TSC22D2: variants seen among roughly 807,000 people sequenced by gnomAD.
The protein encoded by TSC22D2 is TSC22 domain family member 2, also known as TSC22 domain family protein 2.
In TSC22D2, 5 loss-of-function variants were observed where a neutral mutation model predicts 50.1. That is an observed-to-expected ratio of 0.10 (90% CI 0.05 to 0.21). TSC22D2 has a LOEUF of 0.21. Among genes scored for constraint, TSC22D2 ranks in the 10% least tolerant of loss-of-function variants. The pLI is 1.00. For missense variants in TSC22D2, 1,003 were observed against 1,015.5 expected, an observed-to-expected ratio of 0.99 and a Z score of 0.17; for synonymous variants, 501 against 450.1, an observed-to-expected ratio of 1.11 and a Z score of -1.43.
At chr3:150,446,510 A>C (rs992116157) in intron 1 of TSC22D2, among the ~76,000 whole-genome samples, 7 of 152,252 alleles carry the variant, frequency 4.6e-5, no homozygotes, top group Admixed American at 2.6e-4. Context: ...ATTTTTAAAA[A>C]GAAAGATGTA....
intron 1 of TSC22D2, among the ~76,000 whole-genome samples, chr3:150,442,334 CGTT>C (rs1360860560): frequency 6.6e-6 from 1 of 152,144 alleles, no homozygotes; most frequent in African/African-American, 2.4e-5. Flanking sequence ...GTTTATTTGA[CGTT>C]GTATCCCCAG....
intron 1 of TSC22D2, among the ~76,000 whole-genome samples, chr3:150,433,399 T>C (rs1360654001): frequency 1.3e-5 from 2 of 152,226 alleles, no homozygotes; most frequent in Non-Finnish European, 2.9e-5. Context: ...GTGGTATCCA[T>C]AGTAGCTACG....
chr3:150,420,397 C>T (rs1719965969), intron 1 of TSC22D2, among the ~76,000 whole-genome samples: 1 of 152,162 alleles, frequency 6.6e-6, no homozygotes, highest in South Asian at 2.1e-4. Context: ...AAAATCTAGA[C>T]TGTTTAAAGT....
rs527555195 is a variant in TSC22D2 at position 150,409,550 on chromosome 3, C to G, written c.200C>G (p.Ser67Cys). 6 of 1,603,996 alleles carry G rather than the reference C, an allele frequency of 3.7e-6. No homozygotes were observed. The highest frequency in any genetic ancestry group is 2.7e-5 in the African/African-American group (2 of 74,708). The change falls in exon 1 of 3, where the codon TCT becomes TGT. Residue 67 changes from serine to cysteine, a missense_variant. By Grantham distance (112) the Ser-to-Cys change is moderately radical. Around this residue, in one of 6 missense-constraint regions of TSC22D2, gnomAD observed 200 missense variants for 182.8 expected, o/e 1.09. Coordinates refer to ENST00000688009, the MANE Select transcript of TSC22D2 (RefSeq NM_001303264.2). The surrounding 1 kb of genome is among the most constrained non-coding windows in gnomAD (Gnocchi z 7.4). Reference protein sequence around the residue: ...YGPEEVCERSSSEETLNNVGD... With the variant: ...YGPEEVCERSCSEETLNNVGD... ...CCTGAGGAGGTCTGCGAGCGCAGCT[C>G]TTCCGAAGAGACGCTTAACAATGTT...
intron 1 of TSC22D2, among the ~76,000 whole-genome samples, chr3:150,413,353 A>C (rs1719662774): frequency 6.6e-6 from 1 of 152,112 alleles, no homozygotes; most frequent in Admixed American, 6.5e-5. Flanking sequence ...TAAACATGAC[A>C]CTTCCCTCCC....
chr3:150,455,801 TA>T (rs1204101277), intron 1 of TSC22D2, among the ~76,000 whole-genome samples: 1 of 152,214 alleles, frequency 6.6e-6, no homozygotes, highest in Non-Finnish European at 1.5e-5. Flanking sequence ...TAGTAACATA[TA>T]AAAAATTATC....
chr3:150,443,854 A>C (rs1426608301), intron 1 of TSC22D2, among the ~76,000 whole-genome samples: 1 of 152,138 alleles, frequency 6.6e-6, no homozygotes, highest in African/African-American at 2.4e-5. Context: ...TTCTAATGTA[A>C]AAAAGTCTCT....
chr3:150,425,258 C>T lies in TSC22D2; in HGVS notation c.1958+13950C>T, dbSNP rs546824263. ...GAGAGACATAGACTGGGCGCAGTGG[C>T]TCCCGCCTGTAATCCCAGCACTTTG... On this transcript the variant is annotated intron_variant, in intron 1 of 2. Coordinates refer to ENST00000688009, the MANE Select transcript of TSC22D2 (RefSeq NM_001303264.2). Among the ~76,000 whole-genome samples, 6 of 152,232 alleles carry T rather than the reference C, an allele frequency of 3.9e-5. No homozygotes were observed. In the South Asian group the frequency reaches 1.2e-3, roughly 32 times the overall value.
Position 150,459,666 on chromosome 3 carries a change from A to G in TSC22D2, c.*1030A>G, listed in dbSNP as rs187831497. On this transcript the variant is annotated 3_prime_UTR_variant, in exon 3 of 3. Coordinates refer to ENST00000688009, the MANE Select transcript of TSC22D2 (RefSeq NM_001303264.2). ...TCAGTCACAATTTTCTTTACTGTCT[A>G]GCATGATCTGCATGACCTATAATCT... The G allele has an allele frequency of 5.7e-5, 8 of 140,432 alleles. No individual in the cohort carries two copies. In the East Asian group the frequency reaches 1.7e-3, roughly 29 times the overall value. 8.7% of individuals were successfully genotyped at this position (140,432 alleles called of 1,614,324 possible).
chr3:150,428,043 A>G (rs7623100), intron 1 of TSC22D2, among the ~76,000 whole-genome samples: 30,476 of 151,950 alleles, frequency 0.2, 3,506 homozygotes, highest in African/African-American at 0.29. Context: ...CCACTTTTGT[A>G]AGTGTCCTTT....
At position 150,458,708 on chromosome 3, in the gene TSC22D2, C is replaced by G; in HGVS notation, c.*72C>G. ...TTGTGTGCCACTGGTGTTCTTTCCA[C>G]TTTATACGAAAGCAAGTAGCCATGC... On this transcript the variant is annotated 3_prime_UTR_variant, in exon 3 of 3. Coordinates refer to ENST00000688009, the MANE Select transcript of TSC22D2 (RefSeq NM_001303264.2). 1 of 1,565,290 alleles carries G rather than the reference C, an allele frequency of 6.4e-7. No individual in the cohort carries two copies. Among genetic ancestry groups the G allele is most frequent in the Non-Finnish European group, 8.7e-7 (1 of 1,155,416 alleles).
chr3:150,426,572 G>A (rs1054229725), intron 1 of TSC22D2, among the ~76,000 whole-genome samples: 27 of 152,184 alleles, frequency 1.8e-4, no homozygotes, highest in African/African-American at 6.3e-4. Context: ...ACTAAAGGAA[G>A]AAATCAGGTA....
Position 150,428,594 on chromosome 3 carries a change from T to TA in TSC22D2, c.1958+17301dup, listed in dbSNP as rs34028047. ...TGAAACCTAGGTTGACTGGGTATAG[T>TA]AAAAAAAAAAAAAAACATACTTAGA... On this transcript the variant is annotated intron_variant, in intron 1 of 2. Transcript: ENST00000688009. 7.9e-3 allele frequency among the ~76,000 whole-genome samples: 1,100 copies of TA among 138,452 alleles called. 11 individuals are homozygous for TA. The highest frequency in any genetic ancestry group is 0.024 in the African/African-American group (924 of 38,120). 90.8% of individuals were successfully genotyped at this position (138,452 alleles called of 152,430 possible).
intron 1 of TSC22D2, among the ~76,000 whole-genome samples, chr3:150,455,758 A>C (rs1161070694): frequency 6.6e-6 from 1 of 152,210 alleles, no homozygotes; most frequent in African/African-American, 2.4e-5. Flanking sequence ...TAGCACTAAA[A>C]TCTTAGGTGG....
At chr3:150,444,010 G>A (rs1308415484) in intron 1 of TSC22D2, among the ~76,000 whole-genome samples, 1 of 152,164 alleles carries the variant, frequency 6.6e-6, no homozygotes, top group Non-Finnish European at 1.5e-5. Context: ...GAAATTCATA[G>A]AGCCTAGCCC....
intron 1 of TSC22D2, among the ~76,000 whole-genome samples, chr3:150,442,154 C>CT: frequency 6.6e-6 from 1 of 152,108 alleles, no homozygotes; most frequent in South Asian, 2.1e-4. Flanking sequence ...TTGTACCTAT[C>CT]TTTTTTTTCT....
At chr3:150,452,503 C>T (rs1167953226) in intron 1 of TSC22D2, among the ~76,000 whole-genome samples, 1 of 151,808 alleles carries the variant, frequency 6.6e-6, no homozygotes, top group Non-Finnish European at 1.5e-5. Context: ...GTGATTTTAA[C>T]TTGTGACAGA....
Position 150,459,672 on chromosome 3 carries a change from A to T in TSC22D2, c.*1036A>T, listed in dbSNP as rs190978725. Reference sequence around the variant, plus strand: ...ACAATTTTCTTTACTGTCTAGCATGATCTGCATGACCTATAATCTTTGAAC... The same window carrying T: ...ACAATTTTCTTTACTGTCTAGCATGTTCTGCATGACCTATAATCTTTGAAC... On this transcript the variant is annotated 3_prime_UTR_variant, in exon 3 of 3. Transcript: ENST00000688009. 30 of 145,710 alleles carry T rather than the reference A, an allele frequency of 2.1e-4. No individual in the cohort carries two copies. The highest frequency in any genetic ancestry group is 2.2e-4 in the Non-Finnish European group (15 of 67,102). The allele number at this position is 145,710 out of a possible 1,614,324, so 9.0% of individuals were successfully genotyped here.
intron 1 of TSC22D2, among the ~76,000 whole-genome samples, chr3:150,432,422 A>G (rs946111852): frequency 6.6e-6 from 1 of 151,872 alleles, no homozygotes; most frequent in Non-Finnish European, 1.5e-5. Context: ...TTATTTATTC[A>G]TTTATTCAAT....
Sources: allele counts gnomAD v4.1 joint callset (sites outside exome capture counted in the v4.1 genomes callset), GRCh38; gene constraint gnomAD v4.1.1; regional missense constraint gnomAD v4.1.1; non-coding constraint Gnocchi (gnomAD v3.1); transcripts MANE v1.5; gene names NCBI Gene and HGNC (gene_info 2026-07-23, HGNC 2026-07-21).